VIT: variants seen among roughly 807,000 people sequenced by gnomAD.
VIT encodes vitrin.
Under a neutral mutation model 78.0 loss-of-function variants are expected in VIT, and 99 were observed. That is an observed-to-expected ratio of 1.27 (90% confidence interval 1.08 to 1.50). The LOEUF is 1.50. Among genes scored for constraint, VIT ranks in the 40% most tolerant of loss-of-function variants. The probability of loss-of-function intolerance (pLI) is 0.00; values close to 1 mark genes in which losing one functional copy is unlikely to be tolerated. For missense variants in VIT, 1,126 were observed against 875.3 expected, an observed-to-expected ratio of 1.29 and a Z score of -3.61; for synonymous variants, 374 against 334.3, an observed-to-expected ratio of 1.12 and a Z score of -1.29.
Position 36,696,784 on chromosome 2 carries a change from T to C in VIT, c.-208T>C, listed in dbSNP as rs1245546191. 6.6e-6 allele frequency: 1 copy of C among 152,088 alleles called. No homozygotes were observed. The highest frequency in any genetic ancestry group is 6.6e-5 in the Admixed American group (1 of 15,252). 9.4% of individuals were successfully genotyped at this position (152,088 alleles called of 1,614,324 possible). A position where few individuals can be genotyped will look rare whatever the true frequency, so the allele number is the denominator to read the frequency against. On this transcript the variant is annotated 5_prime_UTR_variant, in exon 1 of 16. Coordinates refer to ENST00000379242, the MANE Select transcript of VIT (RefSeq NM_053276.4). ...GGGGTGTAAAATGTGTTTTTCAAAG[T>C]ACTGAGAGGTTGATGGGACTGTTCG...
chr2:36,727,536 T>G (rs1666929825), intron 2 of VIT, among the ~76,000 whole-genome samples: 1 of 152,222 alleles, frequency 6.6e-6, no homozygotes, highest in Admixed American at 6.5e-5. Context: ...AATGGAGATT[T>G]GTCAGGTTGG....
chr2:36,729,516 T>A (rs1205848315), intron 3 of VIT, 25 bp downstream of exon 3: 2 of 1,600,316 alleles, frequency 1.2e-6, no homozygotes, highest in Non-Finnish European at 1.7e-6. Flanking sequence ...AATTCCTTGC[T>A]GGCATAATGC....
intron 12 of VIT, among the ~76,000 whole-genome samples, chr2:36,798,370 T>A (rs1436670159): frequency 6.6e-6 from 1 of 152,060 alleles, no homozygotes; most frequent in East Asian, 1.9e-4. Flanking sequence ...AGCGAATGAA[T>A]GTATGTAGAG....
In VIT at chr2:36,718,233, C is replaced by T. The variant is rs141688798; in HGVS notation, c.52+1811C>T. 1.2e-4 allele frequency among the ~76,000 whole-genome samples: 18 copies of T among 152,230 alleles called. No homozygotes were observed. In the East Asian group the frequency reaches 3.5e-3, roughly 29 times the overall value. On this transcript the variant is annotated intron_variant, in intron 2 of 15. Transcript: ENST00000379242. ...AAATTTGAGGGCACATAAATCAACT[C>T]ATAATATAATGAGAGTGCTTAAGGT... is the stretch of plus-strand genomic sequence containing the variant.
intron 4 of VIT, among the ~76,000 whole-genome samples, chr2:36,754,265 A>G (rs1668635953): frequency 1.3e-5 from 2 of 151,828 alleles, no homozygotes; most frequent in African/African-American, 4.8e-5. Context: ...AAGGATACCC[A>G]AAGGAGCCAT....
chr2:36,708,263 C>T (rs12712516), intron 1 of VIT, among the ~76,000 whole-genome samples: 106,667 of 151,960 alleles, frequency 0.7, 37,496 homozygotes, highest in East Asian at 0.81. Flanking sequence ...ATGTCTGTCC[C>T]CAAGGGATTT....
intron 1 of VIT, among the ~76,000 whole-genome samples, chr2:36,698,145 A>C (rs907885233): frequency 4.3e-5 from 1 of 23,486 alleles, no homozygotes; most frequent in Non-Finnish European, 2.3e-4. Flanking sequence ...AAGATTGCAA[A>C]GACTTGCATT....
At chr2:36,798,977 GTGT>G (rs1434837803) in intron 12 of VIT, among the ~76,000 whole-genome samples, 1 of 152,142 alleles carries the variant, frequency 6.6e-6, no homozygotes, top group Admixed American at 6.5e-5. Context: ...GCTGATTGCT[GTGT>G]TGTTGTTTGT....
chr2:36,791,225 C>T (rs1558576079), intron 12 of VIT, among the ~76,000 whole-genome samples: 1 of 152,088 alleles, frequency 6.6e-6, no homozygotes, highest in Non-Finnish European at 1.5e-5. Flanking sequence ...CTGACTTGGC[C>T]GCATCTCCTC....
intron 7 of VIT, 117 bp downstream of exon 7, chr2:36,767,402 G>C (rs986746236): frequency 2.8e-6 from 3 of 1,076,990 alleles, no homozygotes; most frequent in Admixed American, 8.3e-5. Flanking sequence ...CTGGAGAACT[G>C]GGCCGGGGGT....
rs761309739 is a variant in VIT, at chr2:36,787,192, G to C, written c.974G>C (p.Arg325Pro). The change falls in exon 12 of 16, where the codon CGA becomes CCA. Residue 325 changes from arginine to proline, a missense_variant. Transcript: ENST00000379242. ...ACCAGCATTGGCAAACGGCGATTCC[G>C]AATCCAGAAGCAGCTCCTGGCTGAT... is the stretch of plus-strand genomic sequence containing the variant. ...GSTSIGKRRF[R>P]IQKQLLADVA... 6.2e-7 allele frequency: 1 copy of C among 1,614,196 alleles called. No individual in the cohort carries two copies. The highest frequency in any genetic ancestry group is 8.5e-7 in the Non-Finnish European group (1 of 1,180,024).
In VIT at chr2:36,781,713, A is replaced by T; in HGVS notation, c.803-14A>T. On this transcript the variant is annotated splice_polypyrimidine_tract_variant and intron_variant, in intron 9 of 15. Transcript: ENST00000379242. Reference sequence around the variant, plus strand: ...TAAGTAACAAGTTTGTTTCTTTTCAATTTTGAAAATCAGGAGAGATGGACT... The same window carrying T: ...TAAGTAACAAGTTTGTTTCTTTTCATTTTTGAAAATCAGGAGAGATGGACT... The T allele has an allele frequency of 6.2e-7, 1 of 1,614,026 alleles. No homozygotes were observed. The highest frequency in any genetic ancestry group is 2.2e-5 in the East Asian group (1 of 44,886).
chr2:36,716,604 T>C (rs1666150678), intron 2 of VIT, among the ~76,000 whole-genome samples, 182 bp downstream of exon 2: 1 of 152,222 alleles, frequency 6.6e-6, no homozygotes, highest in Non-Finnish European at 1.5e-5. Context: ...AAATTCAGGA[T>C]GCATGTGTAT....
chr2:36,802,872 G>A (rs2148668620), intron 13 of VIT, among the ~76,000 whole-genome samples: 1 of 152,340 alleles, frequency 6.6e-6, no homozygotes, highest in East Asian at 1.9e-4. Flanking sequence ...AAGTAGTTTG[G>A]AGAATCACTG....
At chr2:36,712,221 A>G (rs1340723624) in intron 1 of VIT, among the ~76,000 whole-genome samples, 1 of 152,198 alleles carries the variant, frequency 6.6e-6, no homozygotes, top group Non-Finnish European at 1.5e-5. Flanking sequence ...AAGCAAGCGT[A>G]GAAATTGCAG....
chr2:36,800,938 C>T (rs1353655060), intron 12 of VIT, among the ~76,000 whole-genome samples: 7 of 152,232 alleles, frequency 4.6e-5, no homozygotes, highest in African/African-American at 1.2e-4. Flanking sequence ...AGGCTGAGAA[C>T]GCTGAGCACT....
chr2:36,716,279 C>T, intron 1 of VIT, 74 bp from the exon 2 acceptor site: 3 of 1,252,416 alleles, frequency 2.4e-6, no homozygotes, highest in Non-Finnish European at 3.5e-6. Context: ...TGCAGTCTAT[C>T]CCCACACACT....
At chr2:36,803,539 C>T (rs940623606) in intron 13 of VIT, among the ~76,000 whole-genome samples, 9 of 152,114 alleles carry the variant, frequency 5.9e-5, no homozygotes, top group African/African-American at 9.7e-5. Context: ...AGAGGACTTC[C>T]GGGTGCTTTG....
At chr2:36,787,782 A>G in intron 12 of VIT, 1 of 449,764 alleles carries the variant, frequency 2.2e-6, no homozygotes, top group Non-Finnish European at 4.4e-6. Context: ...TCTCCAAATA[A>G]CCTTAGGCCC....
Sources: allele counts gnomAD v4.1 joint callset (sites outside exome capture counted in the v4.1 genomes callset), GRCh38; gene constraint gnomAD v4.1.1; transcripts MANE v1.5; gene names NCBI Gene and HGNC (gene_info 2026-07-23, HGNC 2026-07-21).